DIP2C: variants seen among roughly 807,000 people sequenced by gnomAD.
The protein encoded by DIP2C is DIP2 acetate--CoA ligase C (putative).
DIP2C carries 33 observed loss-of-function variants against 192.4 expected under a neutral mutation model. The observed-to-expected ratio is 0.17, with a 90% CI of 0.13 to 0.23. The LOEUF is 0.23. Among genes scored for constraint, DIP2C ranks in the 10% least tolerant of loss-of-function variants. The pLI is 1.00. For missense variants in DIP2C, 1,537 were observed against 2,110.1 expected (o/e 0.73, Z 5.32); for synonymous variants, 979 against 864.1 (o/e 1.13, Z -2.33).
At chr10:573,384 C>T (rs936723119) in intron 1 of DIP2C, among the ~76,000 whole-genome samples, 6 of 152,226 alleles carry the variant, frequency 3.9e-5, no homozygotes, top group African/African-American at 1.4e-4. Flanking sequence ...ACACAGAGCG[C>T]AGCCGGGCAG....
chr10:275,633 C>G lies in DIP2C; in HGVS notation c.*1692G>C, dbSNP rs1451864860. On this transcript the variant is annotated 3_prime_UTR_variant, in exon 37 of 37. Coordinates refer to ENST00000280886, the MANE Select transcript of DIP2C (RefSeq NM_014974.3). ...CATCTACATTTTGCCCAGCATCAAT[C>G]TTAGTCATGCATATCTAGCACCGAG... 3 of 152,094 alleles carry G rather than the reference C, an allele frequency of 2.0e-5. No homozygotes were observed. In the East Asian group the frequency reaches 5.8e-4, roughly 29 times the overall value. The allele number at this position is 152,094 out of a possible 1,614,324, so 9.4% of individuals were successfully genotyped here.
At chr10:686,294 C>T (rs897781711) in intron 1 of DIP2C, among the ~76,000 whole-genome samples, 8 of 151,782 alleles carry the variant, frequency 5.3e-5, no homozygotes, top group Admixed American at 1.3e-4. Context: ...ACAGGGCCTC[C>T]GCACCCTCAC....
chr10:558,529 GA>G (rs1849029906), intron 1 of DIP2C, among the ~76,000 whole-genome samples: 1 of 152,198 alleles, frequency 6.6e-6, no homozygotes, highest in Admixed American at 6.5e-5. Flanking sequence ...AGCGCAGGGG[GA>G]CAGGAGCACG....
At position 397,416 on chromosome 10, in the gene DIP2C, G is replaced by A. The variant is rs182562547; in HGVS notation, c.1260+1693C>T. Among the ~76,000 whole-genome samples the A allele has an allele frequency of 3.3e-5, 5 of 152,096 alleles. No individual in the cohort carries two copies. The East Asian group carries it at 9.7e-4, about 30-fold the overall frequency. ...GTGGTGGCACACGCCTGTAATCTCAGCTACTCAGGAGGCTGAGGGAGGAGA... is the reference window on the plus strand; with the variant it reads ...GTGGTGGCACACGCCTGTAATCTCAACTACTCAGGAGGCTGAGGGAGGAGA... On this transcript the variant is annotated intron_variant, in intron 10 of 36. Coordinates refer to ENST00000280886, the MANE Select transcript of DIP2C (RefSeq NM_014974.3).
intron 4 of DIP2C, among the ~76,000 whole-genome samples, chr10:423,400 C>T (rs986230922): frequency 1.3e-5 from 2 of 152,166 alleles, no homozygotes; most frequent in Admixed American, 6.5e-5. Flanking sequence ...AGGGCCTGTG[C>T]GGCTCTCAGG....
intron 1 of DIP2C, among the ~76,000 whole-genome samples, chr10:495,404 A>G (rs751046654): frequency 3.1e-4 from 47 of 152,206 alleles, no homozygotes; most frequent in Non-Finnish European, 6.3e-4. Context: ...CTGTATTCTC[A>G]CCACACATAC....
At chr10:641,139 C>CA (rs11441421) in intron 1 of DIP2C, among the ~76,000 whole-genome samples, 139,494 of 146,930 alleles carry the variant, frequency 0.95, 66,420 homozygotes, top group East Asian at 0.99. Context: ...TTGCTAATTG[C>CA]AAAAAAAAAA....
chr10:684,590 G>A (rs996348667), intron 1 of DIP2C, among the ~76,000 whole-genome samples: 12 of 152,164 alleles, frequency 7.9e-5, no homozygotes, highest in African/African-American at 1.2e-4. Context: ...TTACACAGGC[G>A]TGTGACTTCC....
intron 1 of DIP2C, among the ~76,000 whole-genome samples, chr10:583,849 G>C (rs547638418): frequency 1.3e-5 from 2 of 152,332 alleles, no homozygotes; most frequent in African/African-American, 2.4e-5. Context: ...TGGAAGACCT[G>C]AGGGCCCACA....
At chr10:572,971 G>C (rs535268802) in intron 1 of DIP2C, among the ~76,000 whole-genome samples, 2 of 152,212 alleles carry the variant, frequency 1.3e-5, no homozygotes, top group South Asian at 4.2e-4. Context: ...ATCCTACAAA[G>C]GACAGGGCTA....
chr10:552,215 T>C (rs1287141116), intron 1 of DIP2C, among the ~76,000 whole-genome samples: 2 of 152,252 alleles, frequency 1.3e-5, no homozygotes, highest in African/African-American at 2.4e-5. Context: ...ACCTGATGTT[T>C]AAAAGGAAAG....
At chr10:371,562 A>T (rs1960958251) in intron 17 of DIP2C, among the ~76,000 whole-genome samples, 1 of 152,042 alleles carries the variant, frequency 6.6e-6, no homozygotes, top group Admixed American at 6.5e-5. Flanking sequence ...CAGAGACTGG[A>T]GTGACAGGTA....
At chr10:451,745 T>C (rs1468740767) in intron 3 of DIP2C, among the ~76,000 whole-genome samples, 1 of 152,196 alleles carries the variant, frequency 6.6e-6, no homozygotes, top group Non-Finnish European at 1.5e-5. Flanking sequence ...AGAGGTTACA[T>C]ATAGTGCTTG....
At chr10:490,598 G>A (rs1028970094) in intron 1 of DIP2C, among the ~76,000 whole-genome samples, 7 of 152,164 alleles carry the variant, frequency 4.6e-5, no homozygotes, top group East Asian at 3.9e-4. Context: ...CTGCCAGAGC[G>A]CTTTCCACGT....
At chr10:663,053 A>G in intron 1 of DIP2C, 1 of 634,048 alleles carries the variant, frequency 1.6e-6, no homozygotes, top group Non-Finnish European at 2.9e-6. Flanking sequence ...CTGCTGGGGC[A>G]GATGGTGACC....
intron 1 of DIP2C, among the ~76,000 whole-genome samples, chr10:565,641 T>A (rs1355501201): frequency 6.6e-6 from 1 of 152,244 alleles, no homozygotes; most frequent in South Asian, 2.1e-4. Context: ...ATGGTGTGTT[T>A]CCCGTTTGCT....
chr10:387,384 CA>C (rs1297364473), intron 14 of DIP2C, among the ~76,000 whole-genome samples: 1 of 152,200 alleles, frequency 6.6e-6, no homozygotes, highest in African/African-American at 2.4e-5. Context: ...AAGCAGCTTG[CA>C]CAAGTGAAAC....
At chr10:503,119 G>A (rs1249126830) in intron 1 of DIP2C, among the ~76,000 whole-genome samples, 4 of 151,918 alleles carry the variant, frequency 2.6e-5, no homozygotes, top group Admixed American at 2.0e-4. Context: ...CATAAATCCC[G>A]CCAGGACACT....
intron 6 of DIP2C, among the ~76,000 whole-genome samples, chr10:417,555 C>T (rs1356457827): frequency 6.6e-6 from 1 of 152,166 alleles, no homozygotes; most frequent in Non-Finnish European, 1.5e-5. Flanking sequence ...CACAGTTGGG[C>T]TCTGCCTCAC....
Sources: gnomAD v4.1 joint callset for allele counts (sites outside exome capture counted in the v4.1 genomes callset) on GRCh38, gnomAD v4.1.1 for gene constraint, MANE v1.5 for transcripts, NCBI Gene and HGNC (gene_info 2026-07-23, HGNC 2026-07-21) for gene names.